ZFYVE16: variants seen among roughly 807,000 people sequenced by gnomAD.
ZFYVE16 encodes zinc finger FYVE-type containing 16, also known as zinc finger FYVE domain-containing protein 16.
A neutral mutation model predicts 138.1 loss-of-function variants in ZFYVE16; 89 were observed. The observed-to-expected ratio is 0.64, with a 90% CI of 0.54 to 0.77. The LOEUF is 0.77. Ranked by LOEUF, ZFYVE16 falls within the 30% of genes least tolerant of loss-of-function variation. The pLI is 0.00. For missense variants in ZFYVE16, 1,793 were observed against 1,786.7 expected, an observed-to-expected ratio of 1.00 and a Z score of -0.06; for synonymous variants, 596 against 618.3, an observed-to-expected ratio of 0.96 and a Z score of 0.53.
intron 16 of ZFYVE16, 32 bp downstream of exon 16, chr5:80,472,955 A>G: frequency 6.5e-7 from 1 of 1,544,084 alleles, no homozygotes; most frequent in Non-Finnish European, 8.7e-7. Flanking sequence ...AATATAATTG[A>G]TTTGAAGGAA....
At chr5:80,431,570 T>A (rs13171724) in intron 2 of ZFYVE16, among the ~76,000 whole-genome samples, 133,094 of 152,156 alleles carry the variant, frequency 0.87, 58,944 homozygotes, top group Non-Finnish European at 0.94. Flanking sequence ...TCAACATAGT[T>A]TTGGAAGTTC....
At chr5:80,408,054 G>A (rs553789783), upstream of ZFYVE16, 2 of 152,312 alleles carry the variant, frequency 1.3e-5, no homozygotes, top group South Asian at 2.1e-4. Flanking sequence ...GCCCTGAGCC[G>A]GGATCTGGCA....
At chr5:80,433,241 G>A (rs1749356484) in intron 2 of ZFYVE16, among the ~76,000 whole-genome samples, 1 of 152,178 alleles carries the variant, frequency 6.6e-6, no homozygotes, top group African/African-American at 2.4e-5. Flanking sequence ...TATACACCAT[G>A]GAATACTATG....
intron 7 of ZFYVE16, among the ~76,000 whole-genome samples, chr5:80,445,961 T>C (rs1249647824): frequency 6.6e-6 from 1 of 151,498 alleles, no homozygotes; most frequent in African/African-American, 2.4e-5. Flanking sequence ...AGTGGTGCGA[T>C]TTCAGCTCAC....
Position 80,443,153 on chromosome 5 carries a change from C to T in ZFYVE16, c.2450C>T (p.Thr817Ile), listed in dbSNP as rs771054955. Residue 817 changes from threonine (T) to isoleucine (I), a missense_variant, in exon 6 of 19, where the codon ACT becomes ATT. Around this residue, in one of 2 missense-constraint regions of ZFYVE16, gnomAD observed 1,295 missense variants for 1,204.3 expected, o/e 1.08. Coordinates refer to ENST00000505560, the MANE Select transcript of ZFYVE16 (RefSeq NM_001284236.3). ...GCATTTGAAAGGATGATGAGTCCAA[C>T]TGGTTCTAATCTTAAGTCTAATCAT... ...AQAFERMMSP[T>I]GSNLKSNHSD... The T allele has an allele frequency of 1.3e-6, 2 of 1,584,366 alleles. No homozygotes were observed. The highest frequency in any genetic ancestry group is 2.7e-5 in the African/African-American group (2 of 72,840).
chr5:80,411,274 G>A (rs1442430579), intron 1 of ZFYVE16, among the ~76,000 whole-genome samples: 1 of 150,922 alleles, frequency 6.6e-6, no homozygotes, highest in Non-Finnish European at 1.5e-5. Context: ...GAGCCACCAC[G>A]CTGGCCAAGT....
At chr5:80,463,889 C>G (rs181197857) in intron 15 of ZFYVE16, among the ~76,000 whole-genome samples, 256 of 152,308 alleles carry the variant, frequency 1.7e-3, no homozygotes, top group African/African-American at 5.9e-3. Context: ...TTCTGCCAGT[C>G]TCTTTGCCAA....
intron 1 of ZFYVE16, among the ~76,000 whole-genome samples, chr5:80,424,382 G>A (rs978108246): frequency 2.0e-5 from 3 of 151,574 alleles, no homozygotes; most frequent in Non-Finnish European, 2.9e-5. Context: ...TTTCATGGTT[G>A]CATTGCTTTT....
chr5:80,407,833 C>A (rs1470532573), upstream of ZFYVE16, among the ~76,000 whole-genome samples: 2 of 152,206 alleles, frequency 1.3e-5, no homozygotes, highest in Non-Finnish European at 2.9e-5. Context: ...GACCTAAGGT[C>A]GAATCATCAG....
intron 18 of ZFYVE16, among the ~76,000 whole-genome samples, 183 bp from the exon 19 acceptor site, chr5:80,477,036 A>G (rs1754978596): frequency 6.6e-6 from 1 of 152,202 alleles, no homozygotes; most frequent in African/African-American, 2.4e-5. Flanking sequence ...AGGAGGAACA[A>G]TTATAATTTA....
chr5:80,425,049 C>T (rs979712056), intron 1 of ZFYVE16, among the ~76,000 whole-genome samples: 2 of 152,144 alleles, frequency 1.3e-5, no homozygotes, highest in East Asian at 1.9e-4. Context: ...CTCTTTGTAT[C>T]GTCTGGTGTA....
At chr5:80,426,270 GTGTA>G (rs149851752) in intron 1 of ZFYVE16, among the ~76,000 whole-genome samples, 24 of 94,992 alleles carry the variant, frequency 2.5e-4, no homozygotes, top group African/African-American at 6.6e-4. Context: ...GTGTGTGTGT[GTGTA>G]TATATATATA....
chr5:80,456,454 T>C lies in ZFYVE16; in HGVS notation c.3691-7T>C. 1 of 1,593,872 alleles carries C rather than the reference T, an allele frequency of 6.3e-7. No homozygotes were observed. Among genetic ancestry groups the C allele is most frequent in the South Asian group, 1.1e-5 (1 of 89,402 alleles). Reference sequence around the variant, plus strand: ...GTAGTTTATGGTAATGCAATTATTCTATGTAGGACCTTCGAAATTACCAGT... The same window carrying C: ...GTAGTTTATGGTAATGCAATTATTCCATGTAGGACCTTCGAAATTACCAGT... On this transcript the variant is annotated splice_polypyrimidine_tract_variant and splice_region_variant and intron_variant, in intron 12 of 18. Coordinates refer to ENST00000505560, the MANE Select transcript of ZFYVE16 (RefSeq NM_001284236.3).
chr5:80,428,776 T>C (rs1029263071), intron 2 of ZFYVE16, among the ~76,000 whole-genome samples: 1 of 152,200 alleles, frequency 6.6e-6, no homozygotes, highest in Non-Finnish European at 1.5e-5. Context: ...CTGATGGAGC[T>C]GAGAACCATG....
chr5:80,460,853 A>T (rs1281448571), intron 15 of ZFYVE16, among the ~76,000 whole-genome samples: 2 of 152,196 alleles, frequency 1.3e-5, no homozygotes, highest in Non-Finnish European at 2.9e-5. Context: ...CATGTATAAA[A>T]GCAAAAAAGG....
In ZFYVE16 at chr5:80,449,662, GTTACA is replaced by G. The variant is rs1264519575; in HGVS notation, c.3178_3182del (p.Thr1060CysfsTer5). On this transcript the variant is annotated frameshift_variant, in exon 9 of 19. Coordinates refer to ENST00000505560, the MANE Select transcript of ZFYVE16 (RefSeq NM_001284236.3). LOFTEE classifies it high-confidence loss of function. Reference sequence around the variant, plus strand: ...TCTTGAAGGTGAAAGCTTTCATCCTGTTACATTTGTCCTAAATGCTAATCTACTCG... The same window carrying G: ...TCTTGAAGGTGAAAGCTTTCATCCTGTTTGTCCTAAATGCTAATCTACTCG... 2 of 1,609,698 alleles carry G rather than the reference GTTACA, an allele frequency of 1.2e-6. No homozygotes were observed.
At chr5:80,418,119 T>C (rs1746524577) in intron 1 of ZFYVE16, among the ~76,000 whole-genome samples, 1 of 152,202 alleles carries the variant, frequency 6.6e-6, no homozygotes, top group African/African-American at 2.4e-5. Flanking sequence ...CTTTTGCCAA[T>C]TTTAAAATTG....
chr5:80,468,176 G>A (rs137922318), intron 15 of ZFYVE16, among the ~76,000 whole-genome samples: 2 of 152,170 alleles, frequency 1.3e-5, no homozygotes, highest in African/African-American at 4.8e-5. Context: ...TTTTATCTGG[G>A]GTTGCATTAA....
chr5:80,472,483 G>A (rs558564874), intron 15 of ZFYVE16, among the ~76,000 whole-genome samples: 1 of 151,890 alleles, frequency 6.6e-6, no homozygotes, highest in South Asian at 2.1e-4. Context: ...CATACATTTT[G>A]TCTAGTCTTA....
Sources: gnomAD v4.1 joint callset for allele counts (sites outside exome capture counted in the v4.1 genomes callset) on GRCh38, gnomAD v4.1.1 for gene constraint, gnomAD v4.1.1 regional missense constraint, MANE v1.5 for transcripts, NCBI Gene and HGNC (gene_info 2026-07-23, HGNC 2026-07-21) for gene names.